HAPLN2: variants seen among roughly 807,000 people sequenced by gnomAD.
HAPLN2 encodes brain link protein-1.
Under a neutral mutation model 29.3 loss-of-function variants are expected in HAPLN2, and 27 were observed. That is an observed-to-expected ratio of 0.92 (90% confidence interval 0.68 to 1.27). The LOEUF is 1.27. Among genes scored for constraint, HAPLN2 ranks in the 50% most tolerant of loss-of-function variants. HAPLN2 has a pLI of 0.00. For synonymous variants in HAPLN2, 208 were observed against 211.7 expected (o/e 0.98, Z 0.15); for missense variants, 454 against 484.3 (o/e 0.94, Z 0.59).
chr1:156,624,075 G>A lies in HAPLN2; in HGVS notation c.354G>A (p.Val118=), dbSNP rs546496235. The A allele has an allele frequency of 1.4e-5, 22 of 1,613,662 alleles. No homozygotes were observed. The East Asian group carries it at 4.0e-4, about 29-fold the overall frequency. The change falls in exon 4 of 7, where the codon GTG becomes GTA. Residue 118 remains valine, a synonymous_variant. Coordinates refer to ENST00000255039, the MANE Select transcript of HAPLN2 (RefSeq NM_021817.3). The part of the protein sequence containing the change: ...RLDASLVIAG[V]RLEDEGRYRC... ...ACGCCTCCCTGGTCATCGCGGGCGTGCGCCTGGAGGACGAGGGCCGGTACC... is the reference window on the plus strand; with the variant it reads ...ACGCCTCCCTGGTCATCGCGGGCGTACGCCTGGAGGACGAGGGCCGGTACC...
intron 2 of HAPLN2, among the ~76,000 whole-genome samples, chr1:156,620,814 A>G (rs1230813313): frequency 2.6e-5 from 4 of 152,218 alleles, no homozygotes; most frequent in African/African-American, 4.8e-5. Context: ...AGCACCTACT[A>G]TGTACCAGAA....
At chr1:156,610,509 G>A in the HAPLN2 span, among the ~76,000 whole-genome samples, 5 of 151,770 alleles carry the variant, frequency 3.3e-5, no homozygotes, top group African/African-American at 7.3e-5. Flanking sequence ...GCATGGTGGC[G>A]GGAGACTGTA....
Position 156,624,707 on chromosome 1 carries a change from CG to C in HAPLN2, c.666del (p.Ile223SerfsTer34). 6.3e-7 allele frequency: 1 copy of C among 1,590,808 alleles called. No homozygotes were observed. On this transcript the variant is annotated frameshift_variant, in exon 6 of 7. Transcript: ENST00000255039. LOFTEE classifies it high-confidence loss of function. ...RAPCGGRGRP[G>X]IRSYGPRDRM... Reference sequence around the variant, plus strand: ...CCCCGTGCGGCGGCCGAGGCCGGCCCGGGATCCGCAGCTACGGACCCCGCGA... The same window carrying C: ...CCCCGTGCGGCGGCCGAGGCCGGCCCGGATCCGCAGCTACGGACCCCGCGA...
chr1:156,625,194 T>C lies in HAPLN2; in HGVS notation c.833T>C (p.Leu278Pro). ...GCCGTGGTGGCCAAGGTTGGGCACCTCTACGCCGCCTGGAAGTTTTCGGGG... is the reference window on the plus strand; with the variant it reads ...GCCGTGGTGGCCAAGGTTGGGCACCCCTACGCCGCCTGGAAGTTTTCGGGG... ...RGAVVAKVGH[L>P]YAAWKFSGLD... is the part of the protein sequence containing the mutation. Residue 278 changes from leucine to proline, a missense_variant, in exon 7 of 7, where the codon CTC (leucine) becomes CCC (proline). Coordinates refer to ENST00000255039, the MANE Select transcript of HAPLN2 (RefSeq NM_021817.3). The surrounding 1 kb of genome is among the most constrained non-coding windows in gnomAD (Gnocchi z 5.7). 3 of 1,552,952 alleles carry C rather than the reference T, an allele frequency of 1.9e-6. No individual in the cohort carries two copies. The highest frequency in any genetic ancestry group is 2.6e-6 in the Non-Finnish European group (3 of 1,149,910).
chr1:156,624,354 TG>T lies in HAPLN2; in HGVS notation c.445del (p.Val149CysfsTer108). ...CAGGATCCCCGCCACCCCCTAGGTGTGGTGTTTCCGTACCAACCCAGCCGGG... is the reference window on the plus strand; with the variant it reads ...CAGGATCCCCGCCACCCCCTAGGTGTGTGTTTCCGTACCAACCCAGCCGGG... ...SVALTLSLEG[V>X]VFPYQPSRGR... On this transcript the variant is annotated frameshift_variant, in exon 5 of 7. Transcript: ENST00000255039. LOFTEE classifies it high-confidence loss of function. 1 of 1,600,868 alleles carries T rather than the reference TG, an allele frequency of 6.2e-7. No homozygotes were observed.
Position 156,625,497 on chromosome 1 carries a change from TC to T in HAPLN2, c.*115del. 9.0e-7 allele frequency: 1 copy of T among 1,112,392 alleles called. No individual in the cohort carries two copies. Among genetic ancestry groups the T allele is most frequent in the Non-Finnish European group, 1.2e-6 (1 of 824,832 alleles). The allele number at this position is 1,112,392 out of a possible 1,614,324, so 68.9% of individuals were successfully genotyped here. A position where few individuals can be genotyped will look rare whatever the true frequency, so the allele number is the denominator to read the frequency against. ...CTCCCTCCAGACCCGGAGCGGCCTCTCCAGACCTGCCTTCCCAGCCGGGGGC... is the reference window on the plus strand; with the variant it reads ...CTCCCTCCAGACCCGGAGCGGCCTCTCAGACCTGCCTTCCCAGCCGGGGGC... On this transcript the variant is annotated 3_prime_UTR_variant, in exon 7 of 7. Transcript: ENST00000255039. The surrounding 1 kb of genome is among the most constrained non-coding windows in gnomAD (Gnocchi z 5.7).
the HAPLN2 span, among the ~76,000 whole-genome samples, chr1:156,604,718 ATACT>A: frequency 2.0e-5 from 3 of 152,248 alleles, no homozygotes; most frequent in Non-Finnish European, 2.9e-5. Context: ...AAGTAATAAA[ATACT>A]TAGGAATACA....
At chr1:156,608,096 C>T in the HAPLN2 span, among the ~76,000 whole-genome samples, 4 of 152,154 alleles carry the variant, frequency 2.6e-5, no homozygotes, top group African/African-American at 7.2e-5. Flanking sequence ...AATTTTCACA[C>T]GGTGGTTTAC....
upstream of HAPLN2, among the ~76,000 whole-genome samples, chr1:156,616,223 C>A (rs534880589): frequency 3.3e-5 from 5 of 152,280 alleles, no homozygotes; most frequent in East Asian, 9.7e-4. Context: ...ATAGGACTGA[C>A]AAAGCCCTTC....
chr1:156,625,275 C>T lies in HAPLN2; in HGVS notation c.914C>T (p.Thr305Ile), dbSNP rs1315430845. 5 of 1,576,344 alleles carry T rather than the reference C, an allele frequency of 3.2e-6. No individual in the cohort carries two copies. The highest frequency in any genetic ancestry group is 1.4e-5 in the African/African-American group (1 of 74,014). Residue 305 changes from threonine (T) to isoleucine (I), a missense_variant, in exon 7 of 7, where the codon ACC (threonine) becomes ATC (isoleucine). Coordinates refer to ENST00000255039, the MANE Select transcript of HAPLN2 (RefSeq NM_021817.3). The surrounding 1 kb of genome is among the most constrained non-coding windows in gnomAD (Gnocchi z 5.7). ...LADGSVRFPI[T>I]TPRPRCGGLP... ...GACGGCAGTGTGCGCTTCCCAATCA[C>T]CACGCCGAGGCCGCGCTGCGGGGGG...
the HAPLN2 span, among the ~76,000 whole-genome samples, chr1:156,609,881 CA>C: frequency 6.6e-6 from 1 of 152,130 alleles, no homozygotes; most frequent in Non-Finnish European, 1.5e-5. Context: ...TCCTATAGAA[CA>C]AACCTGCACA....
At chr1:156,604,844 A>G in the HAPLN2 span, among the ~76,000 whole-genome samples, 8,466 of 152,302 alleles carry the variant, frequency 0.056, 341 homozygotes, top group African/African-American at 0.11. Flanking sequence ...AATAGAAGAC[A>G]ATATTGTTAA....
In HAPLN2 at chr1:156,624,124, G is replaced by C. The variant is rs1332961346; in HGVS notation, c.403G>C (p.Glu135Gln). ...RYRCELINGI[E>Q]DESVALTLSL... ...CCGCTGCGAGCTCATCAACGGCATC[G>C]AGGACGAGAGCGTGGCGCTGACCTT... The change falls in exon 4 of 7, where the codon GAG (glutamate) becomes CAG (glutamine). Residue 135 changes from glutamate (E) to glutamine (Q), a missense_variant. This residue lies in a region of HAPLN2 where 204 missense variants were observed against 209.2 expected (regional missense o/e 0.98). Transcript: ENST00000255039. The C allele has an allele frequency of 2.5e-6, 4 of 1,613,622 alleles. No individual in the cohort carries two copies. Among genetic ancestry groups the C allele is most frequent in the South Asian group, 2.2e-5 (2 of 91,068 alleles).
intron 1 of HAPLN2, 189 bp from the exon 2 acceptor site, chr1:156,619,829 C>G (rs79683627): frequency 6.6e-6 from 1 of 152,482 alleles, no homozygotes; most frequent in African/African-American, 2.4e-5. Flanking sequence ...TCATCCCAAC[C>G]CCAGCATCTT....
At chr1:156,620,638 G>A (rs866542869) in intron 2 of HAPLN2, among the ~76,000 whole-genome samples, 22 of 151,938 alleles carry the variant, frequency 1.4e-4, no homozygotes, top group Admixed American at 3.3e-4. Flanking sequence ...CATAACCTCC[G>A]TTTCTCCTAC....
At chr1:156,609,217 C>T in the HAPLN2 span, among the ~76,000 whole-genome samples, 4 of 152,200 alleles carry the variant, frequency 2.6e-5, no homozygotes, top group African/African-American at 4.8e-5. Flanking sequence ...CCAGGTGCAG[C>T]GCCCAGAACG....
chr1:156,619,648 A>G (rs1386307259), intron 1 of HAPLN2, 113 bp downstream of exon 1: 1 of 152,120 alleles, frequency 6.6e-6, no homozygotes, highest in Admixed American at 6.6e-5. Context: ...CCACATTTAG[A>G]GTTCATCCCC....
chr1:156,624,025 A>G lies in HAPLN2; in HGVS notation c.304A>G (p.Arg102Gly). The change falls in exon 4 of 7, where the codon AGG becomes GGG. Residue 102 changes from arginine (R) to glycine (G), a missense_variant. Arg to Gly is a moderately radical substitution (Grantham distance 125, BLOSUM62 -2). Transcript: ENST00000255039. ...RGYGPLGGRARMRRGHRLDAS... is the reference protein window; with the variant it reads ...RGYGPLGGRAGMRRGHRLDAS... The stretch of plus-strand genomic sequence containing the variant: ...GTATGGGCCCCTGGGAGGGCGCGCC[A>G]GGATGCGGAGGGGGCATCGACTAGA... 6.2e-7 allele frequency: 1 copy of G among 1,612,244 alleles called. No homozygotes were observed. Among genetic ancestry groups the G allele is most frequent in the Non-Finnish European group, 8.5e-7 (1 of 1,179,384 alleles).
chr1:156,608,574 A>C, the HAPLN2 span, among the ~76,000 whole-genome samples: 1 of 149,388 alleles, frequency 6.7e-6, no homozygotes, highest in African/African-American at 2.5e-5. Context: ...ACAGAGTCGC[A>C]CTCTGTCACC....
Sources: allele counts gnomAD v4.1 joint callset (sites outside exome capture counted in the v4.1 genomes callset), GRCh38; gene constraint gnomAD v4.1.1; regional missense constraint gnomAD v4.1.1; non-coding constraint Gnocchi (gnomAD v3.1); transcripts MANE v1.5; gene names NCBI Gene and HGNC (gene_info 2026-07-23, HGNC 2026-07-21).